The following COL4A2 variants were observed in gnomAD, a reference collection of about 807,000 sequenced individuals.
COL4A2 encodes collagen type IV alpha 2 chain, also known as collagen alpha-2(IV) chain.
In COL4A2, 99 loss-of-function variants were observed where a neutral mutation model predicts 200.2. That is an observed-to-expected ratio of 0.49 (90% CI 0.42 to 0.58). The LOEUF is 0.58. COL4A2 is among the 20% of genes least tolerant of loss of function. The pLI is 0.00. For missense variants in COL4A2, 1,950 were observed against 2,314.1 expected (o/e 0.84, Z 3.23); for synonymous variants, 897 against 900.6 (o/e 1.00, Z 0.07).
At chr13:110,334,754 C>T (rs1483414004) in intron 3 of COL4A2, among the ~76,000 whole-genome samples, 1 of 152,140 alleles carries the variant, frequency 6.6e-6, no homozygotes, top group East Asian at 1.9e-4. Flanking sequence ...TTATGCAGAG[C>T]ATTTAGGAAT....
In COL4A2 at chr13:110,506,443, C is replaced by T. The variant is rs1883880874; in HGVS notation, c.4431C>T (p.Gly1477=). Residue 1477 remains glycine, a synonymous_variant, in exon 46 of 48, where the codon GGC becomes GGT. Coordinates refer to ENST00000360467, the MANE Select transcript of COL4A2 (RefSeq NM_001846.4). Reference sequence around the variant, plus strand: ...CACCAGGCCGTCCAGGGAGCCCGGGCCTGCCGGGTATGCCAGGCCGCAGCG... The same window carrying T: ...CACCAGGCCGTCCAGGGAGCCCGGGTCTGCCGGGTATGCCAGGCCGCAGCG... ...EGAPGRPGSP[G]LPGMPGRSVS... 6.2e-7 allele frequency: 1 copy of T among 1,612,310 alleles called. No individual in the cohort carries two copies. The highest frequency in any genetic ancestry group is 8.5e-7 in the Non-Finnish European group (1 of 1,179,584).
intron 3 of COL4A2, 134 bp downstream of exon 3, chr13:110,308,257 C>A: frequency 2.0e-6 from 2 of 982,792 alleles, no homozygotes; most frequent in Non-Finnish European, 3.1e-6. Flanking sequence ...GGCTGCCCAC[C>A]AAGGTTCTGA....
At chr13:110,453,243 G>T (rs922298329) in intron 20 of COL4A2, among the ~76,000 whole-genome samples, 3 of 152,108 alleles carry the variant, frequency 2.0e-5, no homozygotes, top group African/African-American at 7.2e-5. Context: ...GCTCACACCT[G>T]TAATCCCAGC....
chr13:110,417,637 G>A (rs1373899441), intron 4 of COL4A2, among the ~76,000 whole-genome samples: 1 of 152,082 alleles, frequency 6.6e-6, no homozygotes, highest in Non-Finnish European at 1.5e-5. Flanking sequence ...TCCACCTCCA[G>A]TCCTGGCAGC....
At chr13:110,455,094 C>A (rs749101002) in intron 20 of COL4A2, among the ~76,000 whole-genome samples, 1 of 152,188 alleles carries the variant, frequency 6.6e-6, no homozygotes, top group Non-Finnish European at 1.5e-5. Flanking sequence ...CACCACCGCC[C>A]GCGTAGCCTG....
chr13:110,503,261 T>C lies in COL4A2; in HGVS notation c.4018T>C (p.Phe1340Leu), dbSNP rs1308499189. Reference sequence around the variant, plus strand: ...CGGGCCCCAGGGCAGGCCTGGTGTGTTTGGTCTCCCAGGAGAAAAAGGTAA... The same window carrying C: ...CGGGCCCCAGGGCAGGCCTGGTGTGCTTGGTCTCCCAGGAGAAAAAGGTAA... Reference protein sequence around the residue: ...DSGPQGRPGVFGLPGEKGPRG... With the variant: ...DSGPQGRPGVLGLPGEKGPRG... The change falls in exon 42 of 48, where the codon TTT becomes CTT. Residue 1340 changes from phenylalanine to leucine, a missense_variant. By Grantham distance (22) the Phe-to-Leu change is conservative (BLOSUM62 0). Coordinates refer to ENST00000360467, the MANE Select transcript of COL4A2 (RefSeq NM_001846.4). The C allele has an allele frequency of 6.9e-6, 11 of 1,605,728 alleles. No individual in the cohort carries two copies. Among genetic ancestry groups the C allele is most frequent in the Non-Finnish European group, 9.3e-6 (11 of 1,176,978 alleles).
chr13:110,384,782 C>T (rs1594182760), intron 4 of COL4A2, among the ~76,000 whole-genome samples: 1 of 152,202 alleles, frequency 6.6e-6, no homozygotes, highest in Non-Finnish European at 1.5e-5. Context: ...CAGTGGACTG[C>T]GAGCTTCTGG....
At chr13:110,331,030 A>G (rs546077192) in intron 3 of COL4A2, among the ~76,000 whole-genome samples, 1 of 151,928 alleles carries the variant, frequency 6.6e-6, no homozygotes, top group Non-Finnish European at 1.5e-5. Context: ...AGATTCTCTT[A>G]GGATCAGTAA....
chr13:110,451,994 G>A (rs1881552970), intron 20 of COL4A2, among the ~76,000 whole-genome samples: 1 of 152,242 alleles, frequency 6.6e-6, no homozygotes, highest in Admixed American at 6.5e-5. Flanking sequence ...TCTTTCCAAA[G>A]TAGTTTACTT....
intron 18 of COL4A2, 128 bp downstream of exon 18, chr13:110,446,992 A>T (rs1881352342): frequency 2.1e-5 from 9 of 426,158 alleles, no homozygotes; most frequent in East Asian, 8.5e-5. Context: ...TAATAATAAT[A>T]AAAAAAATAA....
chr13:110,450,270 G>A (rs780914338), intron 19 of COL4A2, 35 bp from the exon 20 acceptor site: 20 of 1,596,612 alleles, frequency 1.3e-5, no homozygotes, highest in African/African-American at 2.7e-5. Context: ...TGGTATGGGA[G>A]ACTCACGCTG....
intron 41 of COL4A2, 63 bp from the exon 42 acceptor site, chr13:110,503,058 G>A (rs1594113191): frequency 6.6e-7 from 1 of 1,512,134 alleles, no homozygotes; most frequent in East Asian, 2.3e-5. Flanking sequence ...CGGTGCACCT[G>A]ACTGCCCCCA....
chr13:110,430,746 G>T, intron 10 of COL4A2, 139 bp downstream of exon 10: 1 of 1,158,030 alleles, frequency 8.6e-7, no homozygotes, highest in Non-Finnish European at 1.3e-6. Flanking sequence ...AGAACATCAA[G>T]ACAAAACGGA....
intron 3 of COL4A2, among the ~76,000 whole-genome samples, chr13:110,321,190 GTGTGTA>G (rs1005109691): frequency 4.1e-5 from 6 of 145,992 alleles, no homozygotes; most frequent in African/African-American, 1.5e-4. Context: ...GTGTGTGTGT[GTGTGTA>G]TGTGTCTGTG....
Position 110,485,799 on chromosome 13 carries a change from C to A in COL4A2, c.3170C>A (p.Pro1057His). Residue 1057 changes from proline to histidine, a missense_variant, in exon 34 of 48, where the codon CCT (proline) becomes CAT (histidine). By Grantham distance (77) the Pro-to-His change is moderately conservative. Around this residue, in one of 2 missense-constraint regions of COL4A2, gnomAD observed 1,385 missense variants for 1,720.5 expected, o/e 0.80. Coordinates refer to ENST00000360467, the MANE Select transcript of COL4A2 (RefSeq NM_001846.4). The part of the protein sequence containing the change: ...LPGFPGVAGP[P>H]GITGFPGFIG... ...GGATTCCCTGGGGTGGCTGGCCCCCCTGGAATTACGGGATTCCCAGGATTC... is the reference window on the plus strand; with the variant it reads ...GGATTCCCTGGGGTGGCTGGCCCCCATGGAATTACGGGATTCCCAGGATTC... 2 of 1,613,776 alleles carry A rather than the reference C, an allele frequency of 1.2e-6. No individual in the cohort carries two copies. The highest frequency in any genetic ancestry group is 1.7e-6 in the Non-Finnish European group (2 of 1,179,884).
At chr13:110,372,865 C>T (rs529626742) in intron 4 of COL4A2, among the ~76,000 whole-genome samples, 11 of 152,294 alleles carry the variant, frequency 7.2e-5, no homozygotes, top group African/African-American at 2.6e-4. Context: ...CTAAATTTCC[C>T]ATTGTCTGGG....
chr13:110,327,356 G>A (rs1175786150), intron 3 of COL4A2, among the ~76,000 whole-genome samples: 6 of 152,240 alleles, frequency 3.9e-5, no homozygotes, highest in Non-Finnish European at 1.5e-5. Context: ...CACCCACTCC[G>A]GGTATTTCAG....
chr13:110,449,226 C>T (rs575422299), intron 18 of COL4A2, among the ~76,000 whole-genome samples: 11 of 152,214 alleles, frequency 7.2e-5, no homozygotes, highest in Admixed American at 2.6e-4. Flanking sequence ...TTGCTATTTA[C>T]ACAGCAAAGG....
intron 34 of COL4A2, among the ~76,000 whole-genome samples, chr13:110,488,640 G>A (rs551736388): frequency 2.0e-5 from 3 of 152,310 alleles, no homozygotes; most frequent in East Asian, 3.9e-4. Context: ...CTGAAATCCC[G>A]GTTCTGCCAC....
Sources: allele counts gnomAD v4.1 joint callset (sites outside exome capture counted in the v4.1 genomes callset), GRCh38; gene constraint gnomAD v4.1.1; regional missense constraint gnomAD v4.1.1; transcripts MANE v1.5; gene names NCBI Gene and HGNC (gene_info 2026-07-23, HGNC 2026-07-21).